Variants in TTC39C observed in about 807,000 individuals in gnomAD.
The protein encoded by TTC39C is tetratricopeptide repeat domain 39C, also known as tetratricopeptide repeat protein 39C.
TTC39C carries 33 observed loss-of-function variants against 76.3 expected under a neutral mutation model. That is an observed-to-expected ratio of 0.43 (90% CI 0.33 to 0.58). TTC39C has a LOEUF of 0.58. Ranked by LOEUF, TTC39C falls within the 20% of genes least tolerant of loss-of-function variation. TTC39C has a pLI of 0.04. For synonymous variants in TTC39C, 254 were observed against 260.6 expected, an observed-to-expected ratio of 0.97 and a Z score of 0.24; for missense variants, 595 against 701.4, an observed-to-expected ratio of 0.85 and a Z score of 1.71.
At chr18:24,029,303 G>A (rs1299663342) in intron 1 of TTC39C, among the ~76,000 whole-genome samples, 4 of 151,964 alleles carry the variant, frequency 2.6e-5, no homozygotes, top group Admixed American at 6.6e-5. Flanking sequence ...GGGTTTTTCC[G>A]TGTTGGCCAG....
chr18:24,129,269 G>A (rs2085092037), intron 11 of TTC39C, among the ~76,000 whole-genome samples: 1 of 152,170 alleles, frequency 6.6e-6, no homozygotes, highest in African/African-American at 2.4e-5. Flanking sequence ...AGGAGGACAT[G>A]AGGAGGCAGT....
At chr18:24,111,521 A>G (rs2084809251) in intron 6 of TTC39C, among the ~76,000 whole-genome samples, 1 of 151,586 alleles carries the variant, frequency 6.6e-6, no homozygotes. Flanking sequence ...TTGAGCCAAG[A>G]TCACGCCACT....
chr18:24,063,097 A>G (rs966062421), intron 1 of TTC39C, among the ~76,000 whole-genome samples: 1 of 152,264 alleles, frequency 6.6e-6, no homozygotes, highest in Non-Finnish European at 1.5e-5. Context: ...AACGATTTTC[A>G]TTTAAGAAGG....
At chr18:24,013,476 G>A (rs969421954), upstream of TTC39C, among the ~76,000 whole-genome samples, 6 of 152,150 alleles carry the variant, frequency 3.9e-5, no homozygotes, top group Non-Finnish European at 8.8e-5. Context: ...GCATTTTTCT[G>A]TAATAACTTA....
At chr18:24,022,707 C>G (rs1366631807) in intron 1 of TTC39C, 2 of 985,410 alleles carry the variant, frequency 2.0e-6, no homozygotes, top group East Asian at 2.3e-4. Flanking sequence ...CGCTCTGTGG[C>G]TCCCAGTCTT....
rs559163065 is a variant in TTC39C, at chr18:24,108,732, T to C, written c.985-5822T>C. ...TGCTCCATCCCTTTATAGTACATGG[T>C]TTATTTCTTTTTGTCCCTTCTCTTG... On this transcript the variant is annotated intron_variant, in intron 6 of 13. Coordinates refer to ENST00000317571, the MANE Select transcript of TTC39C (RefSeq NM_001135993.2). Among the ~76,000 whole-genome samples the C allele has an allele frequency of 2.6e-5, 4 of 152,312 alleles. No homozygotes were observed. The East Asian group carries it at 7.7e-4, about 29-fold the overall frequency.
At chr18:23,993,395 A>C (rs1043349834) in intron 1 of TTC39C, among the ~76,000 whole-genome samples, 3 of 152,232 alleles carry the variant, frequency 2.0e-5, no homozygotes, top group African/African-American at 7.2e-5. Context: ...TATCTACAAT[A>C]ACAAAATGTC....
chr18:24,048,397 T>C (rs566898517), intron 1 of TTC39C, among the ~76,000 whole-genome samples: 2 of 152,362 alleles, frequency 1.3e-5, no homozygotes, highest in East Asian at 3.9e-4. Context: ...TTAAATACCC[T>C]ATTTCTGACT....
rs151331094 is a variant in TTC39C, at chr18:24,099,647, C to T, written c.985-14907C>T. ...TTGTTTTTAATGATTTGGCTAAAAGCGTATCTTTTTTATATGCTTTCTTAT... is the reference window on the plus strand; with the variant it reads ...TTGTTTTTAATGATTTGGCTAAAAGTGTATCTTTTTTATATGCTTTCTTAT... On this transcript the variant is annotated intron_variant, in intron 6 of 13. Coordinates refer to ENST00000317571, the MANE Select transcript of TTC39C (RefSeq NM_001135993.2). Among the ~76,000 whole-genome samples, 187 of 151,954 alleles carry T rather than the reference C, an allele frequency of 1.2e-3. 1 individual carries two copies. The highest frequency in any genetic ancestry group is 2.1e-3 in the African/African-American group (87 of 41,492).
At chr18:24,065,687 A>G (rs1175667995) in intron 2 of TTC39C, among the ~76,000 whole-genome samples, 1 of 152,198 alleles carries the variant, frequency 6.6e-6, no homozygotes, top group Non-Finnish European at 1.5e-5. Flanking sequence ...ACGCCACTGT[A>G]AAAACTGAAT....
Position 24,069,156 on chromosome 18 carries a change from G to A in TTC39C, c.346-1G>A. The A allele has an allele frequency of 3.1e-6, 5 of 1,612,718 alleles. No homozygotes were observed. The highest frequency in any genetic ancestry group is 4.2e-6 in the Non-Finnish European group (5 of 1,178,776). ...GTGTGGACATTCTTTCTGCCAAACA[G>A]GTTGATGTCCGAAAATCCGCCCCCT... is the stretch of plus-strand genomic sequence containing the variant. On this transcript the variant is annotated splice_acceptor_variant, in intron 3 of 13. Coordinates refer to ENST00000317571, the MANE Select transcript of TTC39C (RefSeq NM_001135993.2). LOFTEE classifies it high-confidence loss of function.
intron 1 of TTC39C, among the ~76,000 whole-genome samples, chr18:24,038,526 G>A (rs967437294): frequency 1.6e-4 from 24 of 152,134 alleles, no homozygotes; most frequent in African/African-American, 5.5e-4. Context: ...CAAGCAATCC[G>A]TCCGCCTTGG....
At chr18:24,033,307 G>A (rs933932077) in intron 1 of TTC39C, among the ~76,000 whole-genome samples, 11 of 152,142 alleles carry the variant, frequency 7.2e-5, no homozygotes, top group African/African-American at 2.7e-4. Flanking sequence ...ATGCCATTTG[G>A]TAGCCTTGTC....
At chr18:24,023,637 GCT>G (rs112069168) in intron 1 of TTC39C, among the ~76,000 whole-genome samples, 1 of 151,852 alleles carries the variant, frequency 6.6e-6, no homozygotes, top group African/African-American at 2.4e-5. Context: ...CTATGATAAT[GCT>G]CTGATGTGAT....
intron 4 of TTC39C, among the ~76,000 whole-genome samples, chr18:24,075,614 G>A (rs1470110282): frequency 6.7e-6 from 1 of 150,224 alleles, no homozygotes. Flanking sequence ...AGCTTGGGAG[G>A]TCGGGGCTGC....
chr18:24,080,716 A>T lies in TTC39C; in HGVS notation c.592A>T (p.Asn198Tyr). 1 of 1,614,158 alleles carries T rather than the reference A, an allele frequency of 6.2e-7. No individual in the cohort carries two copies. The highest frequency in any genetic ancestry group is 1.3e-5 in the African/African-American group (1 of 75,044). Reference protein sequence around the residue: ...TEESLTSDAANDNHIVAEGVS... With the variant: ...TEESLTSDAAYDNHIVAEGVS... The stretch of plus-strand genomic sequence containing the variant: ...AGAGTCCTTGACTTCTGATGCTGCA[A>T]ATGATAATCACATTGTGGCTGAAGG... Residue 198 changes from asparagine (N) to tyrosine (Y), a missense_variant, in exon 5 of 14, where the codon AAT becomes TAT. Coordinates refer to ENST00000317571, the MANE Select transcript of TTC39C (RefSeq NM_001135993.2).
intron 1 of TTC39C, among the ~76,000 whole-genome samples, chr18:24,027,971 A>C (rs760861292): frequency 6.6e-6 from 1 of 152,178 alleles, no homozygotes; most frequent in African/African-American, 2.4e-5. Context: ...CCAGGTTTGC[A>C]CAGAAAAGAG....
chr18:24,045,287 T>G (rs372809559), intron 1 of TTC39C, among the ~76,000 whole-genome samples: 3 of 34,278 alleles, frequency 8.8e-5, no homozygotes, highest in African/African-American at 2.0e-4. Context: ...AAAAAAAGCA[T>G]GTAGCGTGTC....
intron 2 of TTC39C, among the ~76,000 whole-genome samples, chr18:24,065,718 C>T (rs2084157167): frequency 6.6e-6 from 1 of 152,134 alleles, no homozygotes; most frequent in Non-Finnish European, 1.5e-5. Flanking sequence ...AGTCAGAAAT[C>T]ATAGAGAATT....
Sources: gnomAD v4.1 joint callset for allele counts (sites outside exome capture counted in the v4.1 genomes callset) on GRCh38, gnomAD v4.1.1 for gene constraint, MANE v1.5 for transcripts, NCBI Gene and HGNC (gene_info 2026-07-23, HGNC 2026-07-21) for gene names.